CENPF: variants seen among roughly 807,000 people sequenced by gnomAD.
CENPF encodes the protein centromere protein F.
In CENPF, 214 loss-of-function variants were observed where a neutral mutation model predicts 307.3. The observed-to-expected ratio is 0.70, with a 90% CI of 0.62 to 0.78. CENPF has a LOEUF of 0.78. CENPF is among the 30% of genes least tolerant of loss of function. CENPF has a pLI of 0.00. For missense variants in CENPF, 3,401 were observed against 3,483.9 expected, an observed-to-expected ratio of 0.98 and a Z score of 0.60; for synonymous variants, 1,259 against 1,270.6, an observed-to-expected ratio of 0.99 and a Z score of 0.19.
Position 214,640,727 on chromosome 1 carries a change from T to C in CENPF, c.2389T>C (p.Phe797Leu). Residue 797 changes from phenylalanine (F) to leucine (L), a missense_variant, in exon 12 of 20, where the codon TTT (phenylalanine) becomes CTT (leucine). Phe to Leu is a conservative substitution (Grantham distance 22). Transcript: ENST00000366955. ...TCAGCAGCCTGCCATGCATCATTCCTTTGCAAATATAATTGGAGAACAAGG... is the reference window on the plus strand; with the variant it reads ...TCAGCAGCCTGCCATGCATCATTCCCTTGCAAATATAATTGGAGAACAAGG... ...FDQQPAMHHS[F>L]ANIIGEQGSM... 2 of 1,614,088 alleles carry C rather than the reference T, an allele frequency of 1.2e-6. No individual in the cohort carries two copies. The highest frequency in any genetic ancestry group is 1.1e-5 in the South Asian group (1 of 91,068).
In CENPF at chr1:214,610,441, A is replaced by T. The variant is rs150117568; in HGVS notation, c.-41-3273A>T. On this transcript the variant is annotated intron_variant, in intron 1 of 19. Coordinates refer to ENST00000366955, the MANE Select transcript of CENPF (RefSeq NM_016343.4). Reference sequence around the variant, plus strand: ...AATTTGCATTTCTCTAATGATAGTGATATTGAGCTTTTTTTCATATGCTTG... The same window carrying T: ...AATTTGCATTTCTCTAATGATAGTGTTATTGAGCTTTTTTTCATATGCTTG... Among the ~76,000 whole-genome samples the T allele has an allele frequency of 2.8e-3, 415 of 148,998 alleles. 2 individuals are homozygous for T. Among genetic ancestry groups the T allele is most frequent in the African/African-American group, 9.5e-3 (384 of 40,632 alleles).
intron 10 of CENPF, among the ~76,000 whole-genome samples, chr1:214,637,270 T>C (rs1291968682): frequency 6.6e-6 from 1 of 152,250 alleles, no homozygotes; most frequent in Non-Finnish European, 1.5e-5. Context: ...CTTCCCCCAC[T>C]GGAGGATGTC....
Position 214,642,561 on chromosome 1 carries a change from A to G in CENPF, c.4223A>G (p.Gln1408Arg). ...GTTCAAATGCACTTTGCCGAATTGC[A>G]AGAGAAATTCTTATCTTTACAAAGT... ...KEVQMHFAEL[Q>R]EKFLSLQSEH... Residue 1408 changes from glutamine (Q) to arginine (R), a missense_variant, in exon 12 of 20, where the codon CAA (glutamine) becomes CGA (arginine). By Grantham distance (43) the Gln-to-Arg change is conservative. Coordinates refer to ENST00000366955, the MANE Select transcript of CENPF (RefSeq NM_016343.4). 1 of 1,611,282 alleles carries G rather than the reference A, an allele frequency of 6.2e-7. No individual in the cohort carries two copies. The highest frequency in any genetic ancestry group is 8.5e-7 in the Non-Finnish European group (1 of 1,178,778).
In CENPF at chr1:214,607,593, G is replaced by A. The variant is rs553505005; in HGVS notation, c.-42+4272G>A. On this transcript the variant is annotated intron_variant, in intron 1 of 19. Coordinates refer to ENST00000366955, the MANE Select transcript of CENPF (RefSeq NM_016343.4). ...TCTCAGAGCTATGCCTGGTCCCTGC[G>A]GGAGCAGGTCAGACCAGTGGGCTGG... Among the ~76,000 whole-genome samples the A allele has an allele frequency of 3.6e-3, 547 of 152,282 alleles. 2 individuals carry two copies. Among genetic ancestry groups the A allele is most frequent in the African/African-American group, 0.013 (533 of 41,570 alleles).
chr1:214,609,015 C>T lies in CENPF; in HGVS notation c.-41-4699C>T, dbSNP rs530005108. On this transcript the variant is annotated intron_variant, in intron 1 of 19. Transcript: ENST00000366955. ...AGGAGGCCAGGGCCCAGCCCCATCG[C>T]GGTCCAAGCCGAGCCCCAGGGAGCC... Among the ~76,000 whole-genome samples the T allele has an allele frequency of 3.8e-4, 57 of 151,824 alleles. No homozygotes were observed. The East Asian group carries it at 0.01, about 27-fold the overall frequency.
chr1:214,632,510 A>C lies in CENPF; in HGVS notation c.1354A>C (p.Asn452His). 5 of 1,613,956 alleles carry C rather than the reference A, an allele frequency of 3.1e-6. No homozygotes were observed. Among genetic ancestry groups the C allele is most frequent in the Non-Finnish European group, 4.2e-6 (5 of 1,179,912 alleles). ...LTSVKQQLEN[N>H]LEEFKQKLCR... ...ATCAGTAAAGCAACAGCTAGAAAAC[A>C]ATTTGGAAGAGTTTAAGCAAAAGTT... Residue 452 changes from asparagine to histidine, a missense_variant, in exon 10 of 20, where the codon AAT becomes CAT. Asn to His is a moderately conservative substitution (Grantham distance 68). Transcript: ENST00000366955.
chr1:214,609,687 G>A (rs1385715931), intron 1 of CENPF, among the ~76,000 whole-genome samples: 2 of 152,134 alleles, frequency 1.3e-5, no homozygotes, highest in African/African-American at 4.8e-5. Flanking sequence ...TGTTGCCCAG[G>A]TACTAAGCCT....
intron 1 of CENPF, chr1:214,606,191 GC>G (rs1657025572): frequency 9.3e-7 from 1 of 1,072,772 alleles, no homozygotes; most frequent in African/African-American, 1.6e-5. Flanking sequence ...TCCCCACTCA[GC>G]CAAGTCAGTG....
intron 1 of CENPF, among the ~76,000 whole-genome samples, chr1:214,603,978 A>G (rs539746644): frequency 3.9e-5 from 6 of 152,066 alleles, no homozygotes; most frequent in Admixed American, 2.6e-4. Flanking sequence ...TTCCACATTT[A>G]TTTGAACGCG....
Position 214,663,868 on chromosome 1 carries a change from C to T in CENPF, c.*74C>T, listed in dbSNP as rs1305460529. On this transcript the variant is annotated 3_prime_UTR_variant, in exon 20 of 20. Transcript: ENST00000366955. ...ATAAGGCTGTGCCTACAGGACTTCT[C>T]TTTAGTCAGGGCATGCTTTATTAGT... 2 of 1,204,104 alleles carry T rather than the reference C, an allele frequency of 1.7e-6. No homozygotes were observed. The highest frequency in any genetic ancestry group is 3.0e-5 in the African/African-American group (2 of 66,274). The allele number at this position is 1,204,104 out of a possible 1,614,324, so 74.6% of individuals were successfully genotyped here. A position where few individuals can be genotyped will look rare whatever the true frequency, so the allele number is the denominator to read the frequency against.
rs781226437 is a variant in CENPF at position 214,622,236 on chromosome 1, T to C, written c.1023T>C (p.Asp341=). The stretch of plus-strand genomic sequence containing the variant: ...AGAAAGTTTTGAACAAATGTAGGGA[T>C]GAACTAGTGAGAACAACAGCACAAT... ...EKEKVLNKCR[D]ELVRTTAQYD... The change falls in exon 7 of 20, where the codon GAT becomes GAC. Residue 341 remains aspartate (D), a synonymous_variant. Transcript: ENST00000366955. 4.3e-6 allele frequency: 7 copies of C among 1,614,094 alleles called. No homozygotes were observed. Among genetic ancestry groups the C allele is most frequent in the Admixed American group, 1.7e-5 (1 of 60,022 alleles).
At chr1:214,608,795 GGCA>G in intron 1 of CENPF, 1 of 1,600,176 alleles carries the variant, frequency 6.2e-7, no homozygotes, top group South Asian at 1.1e-5. Context: ...GGGCAGGGCG[GGCA>G]GCAGAAGAGG....
rs372336545 is a variant in CENPF, at chr1:214,614,963, T to A, written c.294T>A (p.Asn98Lys). The A allele has an allele frequency of 6.2e-7, 1 of 1,610,566 alleles. No homozygotes were observed. Among genetic ancestry groups the A allele is most frequent in the Non-Finnish European group, 8.5e-7 (1 of 1,178,934 alleles). Residue 98 changes from asparagine to lysine, a missense_variant, in exon 3 of 20, where the codon AAT (asparagine) becomes AAA (lysine). By Grantham distance (94) the Asn-to-Lys change is moderately conservative (BLOSUM62 0). Transcript: ENST00000366955. ...HELQVKESQVNFQEGQLNSGK... is the reference protein window; with the variant it reads ...HELQVKESQVKFQEGQLNSGK... ...TTCAAGTCAAGGAGTCACAAGTGAA[T>A]TTCCAGGAAGGACAACTGAATTCAG...
In CENPF at chr1:214,642,948, C is replaced by G. The variant is rs554012507; in HGVS notation, c.4610C>G (p.Thr1537Ser). Residue 1537 changes from threonine (T) to serine (S), a missense_variant, in exon 12 of 20, where the codon ACC (threonine) becomes AGC (serine). Thr to Ser is a moderately conservative substitution (Grantham distance 58). Coordinates refer to ENST00000366955, the MANE Select transcript of CENPF (RefSeq NM_016343.4). Reference sequence around the variant, plus strand: ...AGCAGTCTGCAGGAGGAGAATCTGACCAGGAAAGAAACCCCTTCGGCCCCA... The same window carrying G: ...AGCAGTCTGCAGGAGGAGAATCTGAGCAGGAAAGAAACCCCTTCGGCCCCA... ...FCSSLQEENL[T>S]RKETPSAPAK... 6.2e-7 allele frequency: 1 copy of G among 1,613,282 alleles called. No homozygotes were observed. Among genetic ancestry groups the G allele is most frequent in the Non-Finnish European group, 8.5e-7 (1 of 1,179,798 alleles).
At position 214,646,809 on chromosome 1, in the gene CENPF, A is replaced by T; in HGVS notation, c.7239A>T (p.Ile2413=). 2 of 1,610,372 alleles carry T rather than the reference A, an allele frequency of 1.2e-6. No individual in the cohort carries two copies. Among genetic ancestry groups the T allele is most frequent in the Non-Finnish European group, 1.7e-6 (2 of 1,178,820 alleles). ...AAGAGCGAATATCTGAATTAGAAAT[A>T]ATAAATTCATCATTTGAAAATATTT... ...KEQERISELE[I]INSSFENILQ... The change falls in exon 13 of 20, where the codon ATA becomes ATT. Residue 2413 remains isoleucine, a synonymous_variant. Transcript: ENST00000366955.
At chr1:214,621,975 T>C (rs1424715769) in intron 6 of CENPF, 104 bp from the exon 7 acceptor site, 1 of 889,160 alleles carries the variant, frequency 1.1e-6, no homozygotes, top group East Asian at 2.7e-5. Context: ...TGTAAATATT[T>C]GTTTCGTCAA....
Position 214,643,295 on chromosome 1 carries a change from C to T in CENPF, c.4957C>T (p.Arg1653Trp), listed in dbSNP as rs569229505. 12 of 1,509,794 alleles carry T rather than the reference C, an allele frequency of 7.9e-6. No individual in the cohort carries two copies. Among genetic ancestry groups the T allele is most frequent in the Admixed American group, 4.8e-5 (2 of 41,830 alleles). 93.5% of individuals were successfully genotyped at this position (1,509,794 alleles called of 1,614,324 possible). Residue 1653 changes from arginine (R) to tryptophan (W), a missense_variant, in exon 12 of 20, where the codon CGG (arginine) becomes TGG (tryptophan). Arg to Trp is a moderately radical substitution (Grantham distance 101). Coordinates refer to ENST00000366955, the MANE Select transcript of CENPF (RefSeq NM_016343.4). ...GCTACAAGGTCTGGACTTAAGTTCTCGGTCTTTGCTTGGCATCGACACAGA... is the reference window on the plus strand; with the variant it reads ...GCTACAAGGTCTGGACTTAAGTTCTTGGTCTTTGCTTGGCATCGACACAGA... Reference protein sequence around the residue: ...LQLQGLDLSSRSLLGIDTEDA... With the variant: ...LQLQGLDLSSWSLLGIDTEDA...
At chr1:214,662,373 C>T (rs1026538166) in intron 19 of CENPF, among the ~76,000 whole-genome samples, 1 of 152,154 alleles carries the variant, frequency 6.6e-6, no homozygotes, top group Non-Finnish European at 1.5e-5. Context: ...GTCCTGGACA[C>T]ACTCTGAGGG....
At chr1:214,658,052 C>T (rs1386630753) in intron 18 of CENPF, among the ~76,000 whole-genome samples, 2 of 152,186 alleles carry the variant, frequency 1.3e-5, no homozygotes, top group African/African-American at 2.4e-5. Context: ...GGAAATTCTT[C>T]GAACCCCCTC....
Sources: allele counts gnomAD v4.1 joint callset (sites outside exome capture counted in the v4.1 genomes callset), GRCh38; gene constraint gnomAD v4.1.1; transcripts MANE v1.5; gene names NCBI Gene and HGNC (gene_info 2026-07-23, HGNC 2026-07-21).